GNAS: variants seen among roughly 807,000 people sequenced by gnomAD.
The protein encoded by GNAS is GNAS complex locus, also known as protein ALEX.
A neutral mutation model predicts 54.5 loss-of-function variants in GNAS; 8 were observed. That is an observed-to-expected ratio of 0.15 (90% CI 0.09 to 0.26). GNAS has a LOEUF of 0.26. GNAS is among the 10% of genes least tolerant of loss of function. The pLI, the probability that GNAS is intolerant of heterozygous loss-of-function variation, is 1.00. For missense variants in GNAS, 170 were observed against 529.8 expected (o/e 0.32, Z 6.67); for synonymous variants, 204 against 191.4 (o/e 1.07, Z -0.54).
At chr20:58,855,404 T>A in intron 1 of GNAS, 1 of 1,315,214 alleles carries the variant, frequency 7.6e-7, no homozygotes, top group Non-Finnish European at 1.1e-6. Flanking sequence ...CAGGGCTGCC[T>A]GGTGGGGCTA....
chr20:58,840,464 GA>G, upstream of GNAS: 1 of 1,613,632 alleles, frequency 6.2e-7, no homozygotes, highest in Non-Finnish European at 8.5e-7. The surrounding 1 kb of genome is among the most constrained non-coding windows in gnomAD (Gnocchi z 6.0). Flanking sequence ...GTCCGAAATC[GA>G]GTCCGAGACC....
chr20:58,840,253 C>A (rs772464689), upstream of GNAS: 1 of 1,611,480 alleles, frequency 6.2e-7, no homozygotes, highest in Admixed American at 1.7e-5. This position sits in a 1 kb window ranked among gnomAD's most constrained non-coding sequence, Gnocchi z 6.0. Flanking sequence ...CCACCTCCAA[C>A]GCCCGTGCCC....
At chr20:58,886,544 A>C (rs1405942349), upstream of GNAS, among the ~76,000 whole-genome samples, 1 of 152,218 alleles carries the variant, frequency 6.6e-6, no homozygotes, top group Non-Finnish European at 1.5e-5. Flanking sequence ...GAGTTATGCC[A>C]ATAGATTGCC....
upstream of GNAS, chr20:58,839,803 CTT>C (rs2085652892): frequency 1.7e-6 from 1 of 585,572 alleles, no homozygotes; most frequent in South Asian, 2.1e-5. Flanking sequence ...TCTCTCGAGT[CTT>C]AGGCTGCGGA....
intron 3 of GNAS, chr20:58,899,927 T>A: frequency 1.4e-6 from 1 of 717,888 alleles, no homozygotes. Context: ...CTGACACATG[T>A]TTGTTCATCT....
chr20:58,862,064 A>G (rs1431012362), intron 1 of GNAS, among the ~76,000 whole-genome samples: 1 of 152,072 alleles, frequency 6.6e-6, no homozygotes, highest in East Asian at 1.9e-4. Context: ...CAATTTGAGA[A>G]ATCTGGAGTC....
chr20:58,882,674 A>G lies in GNAS; in HGVS notation c.44-12938A>G, dbSNP rs1448117061. Among the ~76,000 whole-genome samples the G allele has an allele frequency of 2.6e-5, 4 of 152,176 alleles. No homozygotes were observed. In the East Asian group the frequency reaches 7.7e-4, roughly 29 times the overall value. On this transcript the variant is annotated intron_variant, in intron 1 of 12. Coordinates refer to the GNAS transcript ENST00000306090. ...AAAAAGTAAATCATTCCAAGCTGCTACTGTTCACCTATTAACTCTTTCAGG... is the reference window on the plus strand; with the variant it reads ...AAAAAGTAAATCATTCCAAGCTGCTGCTGTTCACCTATTAACTCTTTCAGG...
intron 1 of GNAS, among the ~76,000 whole-genome samples, chr20:58,893,331 G>A (rs1341597368): frequency 6.6e-6 from 1 of 151,660 alleles, no homozygotes; most frequent in Non-Finnish European, 1.5e-5. Flanking sequence ...TGTTTTGGGG[G>A]AAAAAAATGT....
upstream of GNAS, chr20:58,889,147 G>A (rs1325441081): frequency 4.1e-6 from 5 of 1,209,140 alleles, no homozygotes; most frequent in East Asian, 8.7e-5. Flanking sequence ...CATCGGGGCC[G>A]GTTAGAAGCT....
At position 58,891,925 on chromosome 20, in the gene GNAS, G is replaced by A. The variant is rs868619423; in HGVS notation, c.139+60G>A. 1,160 of 934,344 alleles carry A rather than the reference G, an allele frequency of 1.2e-3. 1 individual carries two copies. The highest frequency in any genetic ancestry group is 1.3e-3 in the Non-Finnish European group (1,011 of 786,768). 57.9% of individuals were successfully genotyped at this position (934,344 alleles called of 1,614,324 possible). On this transcript the variant is annotated intron_variant, in intron 1 of 12. Coordinates refer to ENST00000371085, the MANE Select transcript of GNAS (RefSeq NM_000516.7). ...GGGGCCCTCGAAGGGCGCCCCGCAG[G>A]CCGCGCGCGCCGAGCCCGCCCCCCG...
At chr20:58,891,989 G>T in intron 1 of GNAS, 124 bp downstream of exon 1, 1 of 773,100 alleles carries the variant, frequency 1.3e-6, no homozygotes, top group African/African-American at 1.9e-5. Flanking sequence ...CCCGTTCGCG[G>T]GCTCTGTCTG....
rs79335353 is a variant in GNAS at position 58,853,160 on chromosome 20, T to C, written c.43+12274T>C. On this transcript the variant is annotated intron_variant, in intron 1 of 12. Transcript: ENST00000306090. This position sits in a 1 kb window ranked among gnomAD's most constrained non-coding sequence, Gnocchi z 4.4. ...AAGTGAGGCCGGTGAACTTTCCAGCTGGTACTTTGATTTTAAAATAATAAT... is the reference window on the plus strand; with the variant it reads ...AAGTGAGGCCGGTGAACTTTCCAGCCGGTACTTTGATTTTAAAATAATAAT... 9.2e-5 allele frequency: 132 copies of C among 1,439,210 alleles called. No homozygotes were observed. The highest frequency in any genetic ancestry group is 1.2e-4 in the Non-Finnish European group (128 of 1,099,868). The allele number at this position is 1,439,210 out of a possible 1,614,324, so 89.2% of individuals were successfully genotyped here. A position where few individuals can be genotyped will look rare whatever the true frequency, so the allele number is the denominator to read the frequency against.
At chr20:58,895,762 G>A in intron 2 of GNAS, 78 bp downstream of exon 2, 1 of 879,284 alleles carries the variant, frequency 1.1e-6, no homozygotes, top group Non-Finnish European at 1.9e-6. Flanking sequence ...GTATAGGTGG[G>A]CTTTGGGGGC....
intron 1 of GNAS, among the ~76,000 whole-genome samples, chr20:58,868,009 T>G (rs2087160529): frequency 6.8e-6 from 1 of 147,926 alleles, no homozygotes; most frequent in Non-Finnish European, 1.5e-5. Context: ...ACACCTCTCC[T>G]GTTTCTTTCT....
At position 58,899,468 on chromosome 20, in the gene GNAS, C is replaced by T. The variant is rs7271759; in HGVS notation, c.257+483C>T. Reference sequence around the variant, plus strand: ...TTAATTTTGAAAAACGCCTTGGTACCTTGCAGCAGGTCGTTAAGAATCATC... The same window carrying T: ...TTAATTTTGAAAAACGCCTTGGTACTTTGCAGCAGGTCGTTAAGAATCATC... On this transcript the variant is annotated intron_variant, in intron 3 of 12. Coordinates refer to ENST00000371085, the MANE Select transcript of GNAS (RefSeq NM_000516.7). 1,525 of 539,412 alleles carry T rather than the reference C, an allele frequency of 2.8e-3. 15 individuals carry two copies. The highest frequency in any genetic ancestry group is 0.021 in the African/African-American group (1,121 of 52,882). The allele number at this position is 539,412 out of a possible 1,614,324, so 33.4% of individuals were successfully genotyped here.
chr20:58,853,815 C>G lies in GNAS; in HGVS notation c.43+12929C>G, dbSNP rs760320551. On this transcript the variant is annotated intron_variant, in intron 1 of 12. Transcript: ENST00000306090. The surrounding 1 kb of genome is among the most constrained non-coding windows in gnomAD (Gnocchi z 4.4). Reference sequence around the variant, plus strand: ...TCAACTTCTCTTACAGGTCCCAGACCTTGCTCCAGGAGGCCCAGGTGCTGC... The same window carrying G: ...TCAACTTCTCTTACAGGTCCCAGACGTTGCTCCAGGAGGCCCAGGTGCTGC... 16 of 1,604,760 alleles carry G rather than the reference C, an allele frequency of 1.0e-5. No individual in the cohort carries two copies. The Admixed American group carries it at 2.7e-4, about 27-fold the overall frequency.
chr20:58,899,588 C>T, intron 3 of GNAS: 1 of 562,032 alleles, frequency 1.8e-6, no homozygotes, highest in Admixed American at 2.4e-5. Flanking sequence ...ATGATGGCAT[C>T]TTTTATTTTT....
intron 1 of GNAS, among the ~76,000 whole-genome samples, chr20:58,868,611 G>A (rs1246092429): frequency 6.6e-6 from 1 of 152,168 alleles, no homozygotes; most frequent in African/African-American, 2.4e-5. Context: ...TTGAAGAAAG[G>A]GGGCTCATCT....
intron 1 of GNAS, among the ~76,000 whole-genome samples, chr20:58,858,485 T>C (rs2086611644): frequency 6.6e-6 from 1 of 152,216 alleles, no homozygotes; most frequent in African/African-American, 2.4e-5. Context: ...TATCCACCAA[T>C]AGACTGTTTC....
Sources: allele counts gnomAD v4.1 joint callset (sites outside exome capture counted in the v4.1 genomes callset), GRCh38; gene constraint gnomAD v4.1.1; non-coding constraint Gnocchi (gnomAD v3.1); transcripts MANE v1.5; gene names NCBI Gene and HGNC (gene_info 2026-07-23, HGNC 2026-07-21).